FNBP4: variants seen among roughly 807,000 people sequenced by gnomAD.
The protein encoded by FNBP4 is formin-binding protein 4.
In FNBP4, 34 loss-of-function variants were observed where a neutral mutation model predicts 119.3. That is an observed-to-expected ratio of 0.28 (90% CI 0.22 to 0.38). The LOEUF is 0.38. Ranked by LOEUF, FNBP4 falls within the 10% of genes least tolerant of loss-of-function variation. FNBP4 has a pLI of 1.00. For missense variants in FNBP4, 1,112 were observed against 1,228.9 expected, an observed-to-expected ratio of 0.90 and a Z score of 1.42; for synonymous variants, 462 against 430.6, an observed-to-expected ratio of 1.07 and a Z score of -0.90.
rs1434067430 is a variant in FNBP4 at position 47,721,997 on chromosome 11, G to A, written c.2805+979C>T. Among the ~76,000 whole-genome samples, 3 of 95,014 alleles carry A rather than the reference G, an allele frequency of 3.2e-5. No homozygotes were observed. In the East Asian group the frequency reaches 1.0e-3, roughly 32 times the overall value. The allele number at this position is 95,014 out of a possible 152,430, so 62.3% of individuals were successfully genotyped here. ...ATATTAGCTGGGGGTGGTGGCGGAT[G>A]TCTCTGACTCAAAAAAAAAAAAAAA... On this transcript the variant is annotated intron_variant, in intron 15 of 16. Transcript: ENST00000263773.
intron 8 of FNBP4, among the ~76,000 whole-genome samples, chr11:47,740,034 G>A (rs566449219): frequency 5.3e-5 from 8 of 151,962 alleles, no homozygotes; most frequent in East Asian, 2.0e-4. Flanking sequence ...TCTCAATCTC[G>A]GGTGATCCGT....
chr11:47,735,354 T>G (rs1301384157), intron 9 of FNBP4, among the ~76,000 whole-genome samples: 1 of 152,204 alleles, frequency 6.6e-6, no homozygotes, highest in Non-Finnish European at 1.5e-5. Context: ...TCCCTTCTAC[T>G]TGGTTGTTCC....
intron 4 of FNBP4, 40 bp from the exon 5 acceptor site, chr11:47,751,330 A>C (rs1453262203): frequency 2.5e-6 from 4 of 1,611,230 alleles, no homozygotes; most frequent in African/African-American, 1.3e-5. Context: ...ATCCCTCTAC[A>C]ATTCTGGCTT....
Position 47,767,119 on chromosome 11 carries a change from G to A in FNBP4, c.170C>T (p.Thr57Ile), listed in dbSNP as rs1293691993. ...SQPAPSAATT[T>I]TTAVTAAAAS... ...CGCGGCGGCAGTCACCGCGGTGGTG[G>A]TGGTCGTCGCCGCCGACGGGGCGGG... The change falls in exon 1 of 17, where the codon ACC becomes ATC. Residue 57 changes from threonine to isoleucine, a missense_variant. Thr to Ile is a moderately conservative substitution (Grantham distance 89). Transcript: ENST00000263773. The A allele has an allele frequency of 2.6e-6, 4 of 1,523,244 alleles. No homozygotes were observed. Among genetic ancestry groups the A allele is most frequent in the Non-Finnish European group, 8.8e-7 (1 of 1,135,390 alleles). The allele number at this position is 1,523,244 out of a possible 1,614,324, so 94.4% of individuals were successfully genotyped here.
chr11:47,749,460 G>A (rs1413320336), intron 6 of FNBP4, among the ~76,000 whole-genome samples: 1 of 152,108 alleles, frequency 6.6e-6, no homozygotes, highest in African/African-American at 2.4e-5. Flanking sequence ...TCGGGAAGTT[G>A]AGGCAGAATT....
intron 8 of FNBP4, among the ~76,000 whole-genome samples, chr11:47,740,422 T>G (rs2097580275): frequency 6.6e-6 from 1 of 150,592 alleles, no homozygotes. Context: ...AAAAAAAAAG[T>G]AAATATAACA....
At chr11:47,723,416 T>G in intron 14 of FNBP4, 100 bp from the exon 15 acceptor site, 1 of 1,484,458 alleles carries the variant, frequency 6.7e-7, no homozygotes, top group South Asian at 1.4e-5. Flanking sequence ...AGAAAATGAT[T>G]CCAATATATC....
In FNBP4 at chr11:47,724,485, T is replaced by C. The variant is rs1455523544; in HGVS notation, c.2302A>G (p.Thr768Ala). Reference sequence around the variant, plus strand: ...TTACTTACCTGGCTAGTTACAACTGTGGTTTGTGCTGAAGGTTTCAAAGGG... The same window carrying C: ...TTACTTACCTGGCTAGTTACAACTGCGGTTTGTGCTGAAGGTTTCAAAGGG... ...DTPLKPSAQT[T>A]VVTSQSSVDS... The change falls in exon 13 of 17, where the codon ACA becomes GCA. Residue 768 changes from threonine (T) to alanine (A), a missense_variant. Physicochemically the swap from Thr to Ala is moderately conservative, Grantham distance 58. Coordinates refer to ENST00000263773, the MANE Select transcript of FNBP4 (RefSeq NM_015308.5). The C allele has an allele frequency of 6.2e-7, 1 of 1,614,186 alleles. No individual in the cohort carries two copies. Among genetic ancestry groups the C allele is most frequent in the African/African-American group, 1.3e-5 (1 of 75,054 alleles).
chr11:47,746,404 A>G lies in FNBP4; in HGVS notation c.907-10T>C. 3 of 1,574,082 alleles carry G rather than the reference A, an allele frequency of 1.9e-6. No homozygotes were observed. Among genetic ancestry groups the G allele is most frequent in the Non-Finnish European group, 8.6e-7 (1 of 1,165,520 alleles). ...TTCCTTCATTTACTTCCTATAAAGA[A>G]CAAAATAATTTAGTCTCATTTAATT... On this transcript the variant is annotated splice_polypyrimidine_tract_variant and intron_variant, in intron 6 of 16. Transcript: ENST00000263773.
In FNBP4 at chr11:47,724,649, G is replaced by A. The variant is rs1490855569; in HGVS notation, c.2138C>T (p.Pro713Leu). Residue 713 changes from proline to leucine, a missense_variant, in exon 13 of 17, where the codon CCA (proline) becomes CTA (leucine). Physicochemically the swap from Pro to Leu is moderately conservative, Grantham distance 98 (BLOSUM62 -3). This residue lies in a region of FNBP4 where 826 missense variants were observed against 988.8 expected (regional missense o/e 0.84). Transcript: ENST00000263773. ...LQPPLPLEMP[P>L]PPPPPPESPP... Reference sequence around the variant, plus strand: ...TGATTCTGGAGGTGGAGGTGGGGGTGGTGGCATTTCCAAGGGTAATGGAGG... The same window carrying A: ...TGATTCTGGAGGTGGAGGTGGGGGTAGTGGCATTTCCAAGGGTAATGGAGG... 3 of 1,614,048 alleles carry A rather than the reference G, an allele frequency of 1.9e-6. No homozygotes were observed. Among genetic ancestry groups the A allele is most frequent in the Non-Finnish European group, 2.5e-6 (3 of 1,179,990 alleles).
chr11:47,719,886 C>G (rs1361234845), intron 16 of FNBP4, 43 bp downstream of exon 16: 2 of 1,607,572 alleles, frequency 1.2e-6, no homozygotes, highest in East Asian at 2.2e-5. Flanking sequence ...AGGTCTCAAC[C>G]TACTCCAAAA....
chr11:47,756,554 T>C (rs2097618753), intron 2 of FNBP4, among the ~76,000 whole-genome samples: 2 of 152,142 alleles, frequency 1.3e-5, no homozygotes, highest in Non-Finnish European at 2.9e-5. Context: ...TTTTTGTTGT[T>C]GTTGTTATAC....
chr11:47,733,861 T>C (rs574139697), intron 10 of FNBP4, among the ~76,000 whole-genome samples, 164 bp downstream of exon 10: 371 of 152,324 alleles, frequency 2.4e-3, no homozygotes, highest in Middle Eastern at 0.014. Flanking sequence ...TACTGTGCTT[T>C]GGTTAACACA....
intron 1 of FNBP4, among the ~76,000 whole-genome samples, chr11:47,765,706 G>C (rs990947082): frequency 1.3e-5 from 2 of 151,696 alleles, no homozygotes; most frequent in African/African-American, 2.4e-5. Flanking sequence ...CCAACTACTC[G>C]GGAGGCTGAG....
intron 16 of FNBP4, 30 bp from the exon 17 acceptor site, chr11:47,717,542 T>A (rs1408554871): frequency 1.6e-5 from 24 of 1,499,218 alleles, no homozygotes; most frequent in Non-Finnish European, 2.2e-5. Context: ...ATTATTTTAG[T>A]GGAAAGAAAA....
At chr11:47,729,849 T>G in intron 12 of FNBP4, 1 of 985,324 alleles carries the variant, frequency 1.0e-6, no homozygotes, top group Non-Finnish European at 1.2e-6. Flanking sequence ...GTTTAAGATT[T>G]GGATTTTACT....
intron 15 of FNBP4, among the ~76,000 whole-genome samples, chr11:47,721,504 G>T (rs1210208508): frequency 1.3e-5 from 2 of 151,988 alleles, no homozygotes; most frequent in East Asian, 3.9e-4. Flanking sequence ...TCAGGAGACT[G>T]AGGCATGAGA....
At chr11:47,739,789 T>G (rs1469715235) in intron 8 of FNBP4, among the ~76,000 whole-genome samples, 1 of 152,130 alleles carries the variant, frequency 6.6e-6, no homozygotes, top group African/African-American at 2.4e-5. Flanking sequence ...GTCTCCTTTT[T>G]CTTTTGAGAT....
chr11:47,753,440 G>T (rs532606725), intron 3 of FNBP4, among the ~76,000 whole-genome samples: 6 of 152,078 alleles, frequency 3.9e-5, no homozygotes, highest in African/African-American at 7.2e-5. Context: ...GTGAAAACTT[G>T]TCTCTACTAA....
Sources: allele counts gnomAD v4.1 joint callset (sites outside exome capture counted in the v4.1 genomes callset), GRCh38; gene constraint gnomAD v4.1.1; regional missense constraint gnomAD v4.1.1; transcripts MANE v1.5; gene names NCBI Gene and HGNC (gene_info 2026-07-23, HGNC 2026-07-21).